FNDC1: variants seen among roughly 807,000 people sequenced by gnomAD.
FNDC1 encodes fibronectin type III domain containing 1.
Under a neutral mutation model 168.0 loss-of-function variants are expected in FNDC1, and 96 were observed. The observed-to-expected ratio is 0.57, with a 90% CI of 0.48 to 0.68. The LOEUF (loss-of-function observed/expected upper bound fraction) is 0.68. FNDC1 is among the 30% of genes least tolerant of loss of function. The probability of loss-of-function intolerance (pLI) is 0.00; values close to 1 mark genes in which losing one functional copy is unlikely to be tolerated. For missense variants in FNDC1, 2,587 were observed against 2,482.1 expected, an observed-to-expected ratio of 1.04 and a Z score of -0.90; for synonymous variants, 1,099 against 1,025.9, an observed-to-expected ratio of 1.07 and a Z score of -1.36.
chr6:159,219,937 T>G (rs1277708843), intron 5 of FNDC1, among the ~76,000 whole-genome samples: 1 of 152,180 alleles, frequency 6.6e-6, no homozygotes, highest in Non-Finnish European at 1.5e-5. Flanking sequence ...TAGCACCGAG[T>G]AATGAACAGA....
rs1282901342 is a variant in FNDC1 at position 159,239,948 on chromosome 6, G to A, written c.4612G>A (p.Ala1538Thr). The A allele has an allele frequency of 1.3e-5, 19 of 1,479,722 alleles. No homozygotes were observed. The highest frequency in any genetic ancestry group is 7.5e-5 in the East Asian group (3 of 40,190). The allele number at this position is 1,479,722 out of a possible 1,614,324, so 91.7% of individuals were successfully genotyped here. A position where few individuals can be genotyped will look rare whatever the true frequency, so the allele number is the denominator to read the frequency against. ...MSSNGIPECYAEEDEFSGLET... is the reference protein window; with the variant it reads ...MSSNGIPECYTEEDEFSGLET... ...CTCCAATGGGATCCCAGAGTGCTAC[G>A]CTGAAGAAGGTAACTGCCTTTGTTC... Residue 1538 changes from alanine (A) to threonine (T), a missense_variant, in exon 14 of 23, where the codon GCT becomes ACT. By Grantham distance (58) the Ala-to-Thr change is moderately conservative. Transcript: ENST00000297267.
chr6:159,211,227 A>G (rs1007939087), intron 4 of FNDC1, among the ~76,000 whole-genome samples: 1 of 152,210 alleles, frequency 6.6e-6, no homozygotes, highest in African/African-American at 2.4e-5. Context: ...GTTGGTGGTC[A>G]GCGCAGTGGG....
chr6:159,236,063 A>G (rs1208941093), intron 11 of FNDC1, among the ~76,000 whole-genome samples, 152 bp from the exon 12 acceptor site: 2 of 152,228 alleles, frequency 1.3e-5, no homozygotes, highest in Non-Finnish European at 2.9e-5. Flanking sequence ...TGAGACTATC[A>G]TTATCTAATA....
rs74599883 is a variant in FNDC1 at position 159,195,059 on chromosome 6, G to A, written c.110-2372G>A. Among the ~76,000 whole-genome samples, 567 of 152,110 alleles carry A rather than the reference G, an allele frequency of 3.7e-3. 5 individuals are homozygous for A. Among genetic ancestry groups the A allele is most frequent in the African/African-American group, 0.013 (539 of 41,480 alleles). On this transcript the variant is annotated intron_variant, in intron 1 of 22. Transcript: ENST00000297267. ...GCGGTGGGTGGGAGGAGGAGGTCGCGATATTTGGCTTAAGGCATTTTGAGA... is the reference window on the plus strand; with the variant it reads ...GCGGTGGGTGGGAGGAGGAGGTCGCAATATTTGGCTTAAGGCATTTTGAGA...
At chr6:159,240,045 G>T in intron 14 of FNDC1, 88 bp downstream of exon 14, 2 of 1,277,376 alleles carry the variant, frequency 1.6e-6, no homozygotes, top group Non-Finnish European at 2.1e-6. Context: ...TGCAGGGGAG[G>T]TATGAGCACC....
intron 19 of FNDC1, among the ~76,000 whole-genome samples, chr6:159,261,733 T>C (rs935869858): frequency 1.3e-5 from 2 of 152,170 alleles, no homozygotes; most frequent in African/African-American, 4.8e-5. Context: ...TATCATTCAG[T>C]CTTATAAGCA....
intron 17 of FNDC1, among the ~76,000 whole-genome samples, chr6:159,253,091 A>G (rs1562309749): frequency 6.6e-6 from 1 of 152,212 alleles, no homozygotes; most frequent in Non-Finnish European, 1.5e-5. Context: ...TAGAGCCTTC[A>G]TGTCCTCACA....
At chr6:159,224,424 C>T (rs561272606) in intron 7 of FNDC1, among the ~76,000 whole-genome samples, 25 of 152,142 alleles carry the variant, frequency 1.6e-4, no homozygotes, top group Non-Finnish European at 3.2e-4. Context: ...TTTTCAACCT[C>T]TCTGCAACCA....
At chr6:159,223,754 T>C (rs1170797971) in intron 7 of FNDC1, 109 bp downstream of exon 7, 1 of 655,678 alleles carries the variant, frequency 1.5e-6, no homozygotes, top group Non-Finnish European at 2.7e-6. Context: ...AATGCTGGTC[T>C]CTTTTGTAGC....
chr6:159,238,786 T>G (rs886078895), intron 13 of FNDC1, 121 bp downstream of exon 13: 1 of 680,472 alleles, frequency 1.5e-6, no homozygotes. Context: ...CTTTTACCCA[T>G]GTGAGAAGAA....
At chr6:159,184,146 A>T (rs531477009) in intron 1 of FNDC1, among the ~76,000 whole-genome samples, 1 of 152,388 alleles carries the variant, frequency 6.6e-6, no homozygotes, top group African/African-American at 2.4e-5. Context: ...TGCAGTGCAC[A>T]GGCTTTGAAA....
intron 7 of FNDC1, among the ~76,000 whole-genome samples, chr6:159,224,685 T>C (rs922550562): frequency 6.6e-6 from 1 of 152,240 alleles, no homozygotes; most frequent in African/African-American, 2.4e-5. Flanking sequence ...CAGAGAAGGC[T>C]TGAGTTTTCT....
chr6:159,212,535 A>G (rs1447017250), intron 4 of FNDC1, among the ~76,000 whole-genome samples: 1 of 152,198 alleles, frequency 6.6e-6, no homozygotes, highest in African/African-American at 2.4e-5. Context: ...AATACTTGAA[A>G]AAAATGGGGT....
At chr6:159,248,398 T>G (rs1271049885) in intron 15 of FNDC1, among the ~76,000 whole-genome samples, 1 of 152,034 alleles carries the variant, frequency 6.6e-6, no homozygotes, top group Non-Finnish European at 1.5e-5. Flanking sequence ...CTCTGCCTCC[T>G]GGGTTCAAGT....
At chr6:159,270,858 G>A (rs1777731098) in intron 22 of FNDC1, among the ~76,000 whole-genome samples, 2 of 152,274 alleles carry the variant, frequency 1.3e-5, no homozygotes, top group African/African-American at 4.8e-5. Flanking sequence ...GGCCTGCCCA[G>A]TAGTGAGTGC....
intron 5 of FNDC1, 142 bp downstream of exon 5, chr6:159,215,293 G>GAA: frequency 1.2e-6 from 1 of 819,100 alleles, no homozygotes; most frequent in South Asian, 1.8e-5. Flanking sequence ...AATCTCTACT[G>GAA]TTTCTTCCAT....
rs368669999 is a variant in FNDC1, at chr6:159,203,745, C to CT, written c.460+3171dup. 2.7e-3 allele frequency among the ~76,000 whole-genome samples: 406 copies of CT among 152,182 alleles called. 2 individuals are homozygous for CT. The highest frequency in any genetic ancestry group is 6.5e-3 in the African/African-American group (269 of 41,522). On this transcript the variant is annotated intron_variant, in intron 4 of 22. Coordinates refer to ENST00000297267, the MANE Select transcript of FNDC1 (RefSeq NM_032532.3). The stretch of plus-strand genomic sequence containing the variant: ...ACTTCTTTTCTGCAAGTTGTTTTGG[C>CT]TTTTTTTGTGTAACAGGATCTGGGT...
chr6:159,259,166 CAG>C (rs1232326588), intron 18 of FNDC1, among the ~76,000 whole-genome samples: 1 of 152,182 alleles, frequency 6.6e-6, no homozygotes, highest in Non-Finnish European at 1.5e-5. Context: ...TTGGCTGAGG[CAG>C]AGACTATTCA....
At position 159,232,321 on chromosome 6, in the gene FNDC1, C is replaced by G. The variant is rs1384201964; in HGVS notation, c.1809C>G (p.Ser603=). ...RREGVDKPGF[S]LATQPRPGAP... The stretch of plus-strand genomic sequence containing the variant: ...AAGGCGTAGATAAGCCTGGCTTTTC[C>G]CTGGCCACGCAGCCCCGCCCAGGGG... The change falls in exon 11 of 23, where the codon TCC becomes TCG. Residue 603 remains serine, a synonymous_variant. Transcript: ENST00000297267. The surrounding 1 kb of genome is among the most constrained non-coding windows in gnomAD (Gnocchi z 4.9). The G allele has an allele frequency of 6.2e-7, 1 of 1,613,194 alleles. No homozygotes were observed. Among genetic ancestry groups the G allele is most frequent in the Non-Finnish European group, 8.5e-7 (1 of 1,179,608 alleles).
Sources: gnomAD v4.1 joint callset for allele counts (sites outside exome capture counted in the v4.1 genomes callset) on GRCh38, gnomAD v4.1.1 for gene constraint, Gnocchi (gnomAD v3.1) non-coding constraint, MANE v1.5 for transcripts, NCBI Gene and HGNC (gene_info 2026-07-23, HGNC 2026-07-21) for gene names.